Variants in PTPN14 observed in about 807,000 individuals in gnomAD.
The protein encoded by PTPN14 is tyrosine-protein phosphatase non-receptor type 14.
Under a neutral mutation model 126.8 loss-of-function variants are expected in PTPN14, and 53 were observed. That is an observed-to-expected ratio of 0.42 (90% CI 0.34 to 0.53). The LOEUF is 0.53. PTPN14 is among the 20% of genes least tolerant of loss of function. The pLI, the probability that PTPN14 is intolerant of heterozygous loss-of-function variation, is 0.08. For missense variants in PTPN14, 1,257 were observed against 1,552.9 expected (o/e 0.81, Z 3.20); for synonymous variants, 630 against 599.3 (o/e 1.05, Z -0.75).
chr1:214,413,768 A>G (rs1183931828), intron 4 of PTPN14, among the ~76,000 whole-genome samples: 1 of 152,146 alleles, frequency 6.6e-6, no homozygotes, highest in African/African-American at 2.4e-5. Flanking sequence ...TCCCACGTTC[A>G]AGCGATTCTC....
chr1:214,506,333 G>A (rs1037326247), intron 1 of PTPN14, among the ~76,000 whole-genome samples: 37 of 151,716 alleles, frequency 2.4e-4, no homozygotes, highest in African/African-American at 7.8e-4. Context: ...AGGAGGCCCC[G>A]TCTCTTAAAT....
At chr1:214,533,729 C>CT (rs1380207833) in intron 1 of PTPN14, among the ~76,000 whole-genome samples, 3 of 151,498 alleles carry the variant, frequency 2.0e-5, no homozygotes, top group African/African-American at 7.3e-5. Flanking sequence ...CCCAAATAAT[C>CT]TGGAGACTGA....
At chr1:214,495,638 C>G (rs1386252122) in intron 1 of PTPN14, among the ~76,000 whole-genome samples, 1 of 151,976 alleles carries the variant, frequency 6.6e-6, no homozygotes, top group Non-Finnish European at 1.5e-5. Context: ...CTTTTCAGAA[C>G]AGTTATCATG....
At chr1:214,450,958 C>G (rs996701902) in intron 3 of PTPN14, among the ~76,000 whole-genome samples, 2 of 152,206 alleles carry the variant, frequency 1.3e-5, no homozygotes, top group Non-Finnish European at 2.9e-5. Flanking sequence ...TCCTCTTCTA[C>G]TGATGGCTTC....
intron 2 of PTPN14, among the ~76,000 whole-genome samples, chr1:214,464,074 G>C (rs1051832911): frequency 6.6e-6 from 1 of 152,044 alleles, no homozygotes; most frequent in Non-Finnish European, 1.5e-5. Flanking sequence ...AAGGCAACGA[G>C]GGCTGTGAGG....
In PTPN14 at chr1:214,526,156, G is replaced by A. The variant is rs151125922; in HGVS notation, c.-155+25027C>T. Among the ~76,000 whole-genome samples the A allele has an allele frequency of 3.3e-3, 498 of 151,676 alleles. 1 individual carries two copies. The highest frequency in any genetic ancestry group is 0.012 in the African/African-American group (486 of 41,334). On this transcript the variant is annotated intron_variant, in intron 1 of 18. Transcript: ENST00000366956. ...AATTTTTATATTTTTAGTAGACAGGGGTTTTCACCATGTTGGCCAGGCTGG... is the reference window on the plus strand; with the variant it reads ...AATTTTTATATTTTTAGTAGACAGGAGTTTTCACCATGTTGGCCAGGCTGG...
chr1:214,363,405 A>C (rs1658000534), intron 18 of PTPN14, among the ~76,000 whole-genome samples: 1 of 152,232 alleles, frequency 6.6e-6, no homozygotes, highest in Non-Finnish European at 1.5e-5. Context: ...CAAACGATTC[A>C]TGCTATTGAA....
chr1:214,422,857 G>T (rs142556668), intron 3 of PTPN14, among the ~76,000 whole-genome samples: 26 of 152,306 alleles, frequency 1.7e-4, no homozygotes, highest in African/African-American at 5.8e-4. Context: ...ACTGCTAAAA[G>T]ATGTCAACTC....
chr1:214,438,830 A>G lies in PTPN14; in HGVS notation c.344+12975T>C, dbSNP rs138735007. Among the ~76,000 whole-genome samples the G allele has an allele frequency of 1.9e-3, 283 of 152,308 alleles. 2 individuals carry two copies. Among genetic ancestry groups the G allele is most frequent in the African/African-American group, 6.4e-3 (264 of 41,562 alleles). ...CAGCAGTTTCCTGCTACCTTCTAGT[A>G]TATCTTTTCATTTAAAAAAAACAAA... On this transcript the variant is annotated intron_variant, in intron 3 of 18. Coordinates refer to ENST00000366956, the MANE Select transcript of PTPN14 (RefSeq NM_005401.5).
chr1:214,420,294 T>C (rs1659515944), intron 3 of PTPN14, among the ~76,000 whole-genome samples: 1 of 152,228 alleles, frequency 6.6e-6, no homozygotes. Flanking sequence ...GAAAAGCATG[T>C]GCATATACCC....
chr1:214,519,317 A>G (rs1286349119), intron 1 of PTPN14, among the ~76,000 whole-genome samples: 2 of 152,150 alleles, frequency 1.3e-5, no homozygotes, highest in Non-Finnish European at 2.9e-5. Context: ...GCACCTTTAT[A>G]CAGCATTGCA....
intron 3 of PTPN14, among the ~76,000 whole-genome samples, chr1:214,426,528 T>C (rs1166895976): frequency 6.6e-6 from 1 of 150,794 alleles, no homozygotes; most frequent in African/African-American, 2.4e-5. Flanking sequence ...TGTAACTTCC[T>C]AGAGAAAAAA....
chr1:214,379,009 T>A (rs1047617304), intron 13 of PTPN14, among the ~76,000 whole-genome samples: 1 of 152,200 alleles, frequency 6.6e-6, no homozygotes, highest in Non-Finnish European at 1.5e-5. Flanking sequence ...AGCCTCCTGC[T>A]GTGCTTCCTC....
chr1:214,363,016 A>G (rs1657992216), intron 18 of PTPN14, among the ~76,000 whole-genome samples: 1 of 152,174 alleles, frequency 6.6e-6, no homozygotes. Context: ...ACTCAGTGGC[A>G]GGTTACTCAT....
intron 1 of PTPN14, among the ~76,000 whole-genome samples, chr1:214,495,593 T>C (rs1415020456): frequency 6.6e-6 from 1 of 152,168 alleles, no homozygotes; most frequent in African/African-American, 2.4e-5. Context: ...TAGACAAGAC[T>C]GACATTATCA....
At position 214,384,140 on chromosome 1, in the gene PTPN14, C is replaced by A. The variant is rs754628465; in HGVS notation, c.1715G>T (p.Arg572Leu). Reference protein sequence around the residue: ...YLFRPPPPYPRPRPATSTPDL... With the variant: ...YLFRPPPPYPLPRPATSTPDL... ...TGGGGTGCTGGTGGCAGGTCGTGGC[C>A]GTGGGTAGGGGGGCGGTGGCCTGAA... The change falls in exon 13 of 19, where the codon CGG becomes CTG. Residue 572 changes from arginine (R) to leucine (L), a missense_variant. Coordinates refer to ENST00000366956, the MANE Select transcript of PTPN14 (RefSeq NM_005401.5). The surrounding 1 kb of genome is among the most constrained non-coding windows in gnomAD (Gnocchi z 5.3). The A allele has an allele frequency of 4.4e-6, 7 of 1,576,176 alleles. No homozygotes were observed. Among genetic ancestry groups the A allele is most frequent in the South Asian group, 1.2e-5 (1 of 85,388 alleles).
intron 1 of PTPN14, among the ~76,000 whole-genome samples, chr1:214,514,785 T>G (rs544749087): frequency 5.9e-5 from 9 of 152,246 alleles, no homozygotes; most frequent in African/African-American, 2.2e-4. Context: ...AAAAGAGACT[T>G]GCAGTGTGCC....
chr1:214,349,264 A>T lies in PTPN14; in HGVS notation c.*8658T>A, dbSNP rs1657658846. 1 of 152,180 alleles carries T rather than the reference A, an allele frequency of 6.6e-6. No homozygotes were observed. 9.4% of individuals were successfully genotyped at this position (152,180 alleles called of 1,614,324 possible). On this transcript the variant is annotated 3_prime_UTR_variant, in exon 19 of 19. Transcript: ENST00000366956. ...ATTTCTTACGGCAACAACATAAGAGATGGTGATTAAATGTCTGGGTCAGCC... is the reference window on the plus strand; with the variant it reads ...ATTTCTTACGGCAACAACATAAGAGTTGGTGATTAAATGTCTGGGTCAGCC...
chr1:214,387,177 A>G (rs1370159784), intron 11 of PTPN14, among the ~76,000 whole-genome samples: 2 of 152,266 alleles, frequency 1.3e-5, no homozygotes, highest in African/African-American at 4.8e-5. Flanking sequence ...GGTCACCATC[A>G]AAGACTAAAT....
Sources: gnomAD v4.1 joint callset for allele counts (sites outside exome capture counted in the v4.1 genomes callset) on GRCh38, gnomAD v4.1.1 for gene constraint, Gnocchi (gnomAD v3.1) non-coding constraint, MANE v1.5 for transcripts, NCBI Gene and HGNC (gene_info 2026-07-23, HGNC 2026-07-21) for gene names.